PFDN2: variants seen among roughly 807,000 people sequenced by gnomAD.
PFDN2 encodes the protein prefoldin 2.
In PFDN2, 7 loss-of-function variants were observed where a neutral mutation model predicts 18.3. That is an observed-to-expected ratio of 0.38 (90% CI 0.22 to 0.72). PFDN2 has a LOEUF of 0.72. PFDN2 is among the 30% of genes least tolerant of loss of function. The pLI is 0.47. For synonymous variants in PFDN2, 76 were observed against 75.0 expected, an observed-to-expected ratio of 1.01 and a Z score of -0.07; for missense variants, 181 against 199.1, an observed-to-expected ratio of 0.91 and a Z score of 0.55.
At chr1:161,113,055 C>T (rs949547909) in intron 1 of PFDN2, among the ~76,000 whole-genome samples, 3 of 152,096 alleles carry the variant, frequency 2.0e-5, no homozygotes, top group African/African-American at 4.8e-5. Context: ...CTGGTTTGAA[C>T]TTTTTCCTTT....
At chr1:161,108,136 A>G (rs1253744707) in intron 1 of PFDN2, among the ~76,000 whole-genome samples, 1 of 148,924 alleles carries the variant, frequency 6.7e-6, no homozygotes, top group Non-Finnish European at 1.5e-5. Flanking sequence ...CAAAAACAAA[A>G]ACAAAAATAA....
At chr1:161,107,939 C>T (rs1230772639) in intron 1 of PFDN2, among the ~76,000 whole-genome samples, 5 of 150,802 alleles carry the variant, frequency 3.3e-5, no homozygotes, top group Non-Finnish European at 1.5e-5. Context: ...CATGGTGAAA[C>T]CCCATCTCTA....
At position 161,100,612 on chromosome 1, in the gene PFDN2, T is replaced by G; in HGVS notation, c.*71A>C. ...AAAAATATTACAATAGCAGAGAAAATAATAATAATAACAATAAAGAGAAAT... is the reference window on the plus strand; with the variant it reads ...AAAAATATTACAATAGCAGAGAAAAGAATAATAATAACAATAAAGAGAAAT... On this transcript the variant is annotated 3_prime_UTR_variant, in exon 4 of 4. Transcript: ENST00000368010. 1 of 1,039,534 alleles carries G rather than the reference T, an allele frequency of 9.6e-7. No homozygotes were observed. The highest frequency in any genetic ancestry group is 1.4e-6 in the Non-Finnish European group (1 of 733,248). 64.4% of individuals were successfully genotyped at this position (1,039,534 alleles called of 1,614,324 possible).
intron 1 of PFDN2, among the ~76,000 whole-genome samples, chr1:161,109,181 G>A (rs1483431099): frequency 6.6e-6 from 1 of 152,114 alleles, no homozygotes; most frequent in African/African-American, 2.4e-5. Context: ...TCCCTTAACA[G>A]CTGTCTTCAG....
At chr1:161,117,825 C>G in intron 1 of PFDN2, 127 bp downstream of exon 1, 1 of 866,310 alleles carries the variant, frequency 1.2e-6, no homozygotes, top group Admixed American at 2.9e-5. Context: ...TTCCGGGGAC[C>G]CTTCCCTCTC....
chr1:161,102,015 T>C (rs1430815014), intron 3 of PFDN2, 33 bp downstream of exon 3: 2 of 1,612,926 alleles, frequency 1.2e-6, no homozygotes, highest in Non-Finnish European at 1.7e-6. Context: ...TTACAGCCAC[T>C]GTACCCGATC....
intron 1 of PFDN2, among the ~76,000 whole-genome samples, chr1:161,105,465 CT>C (rs768318514): frequency 6.6e-6 from 1 of 150,750 alleles, no homozygotes; most frequent in African/African-American, 2.4e-5. Flanking sequence ...CTTTTCTTTT[CT>C]TTTTTTTTCT....
chr1:161,102,635 G>A (rs150536586), intron 1 of PFDN2, among the ~76,000 whole-genome samples: 1 of 152,228 alleles, frequency 6.6e-6, no homozygotes, highest in African/African-American at 2.4e-5. Context: ...GCTTCTCCTG[G>A]CTCATAGTTT....
chr1:161,108,228 A>G lies in PFDN2; in HGVS notation c.76-5853T>C, dbSNP rs187084023. On this transcript the variant is annotated intron_variant, in intron 1 of 3. Coordinates refer to ENST00000368010, the MANE Select transcript of PFDN2 (RefSeq NM_012394.4). ...ACCACTTTGGGAGGCCAAGGCCAGC[A>G]GATCATTTGAGGTCAGGAGTTCAAG... Among the ~76,000 whole-genome samples, 374 of 150,524 alleles carry G rather than the reference A, an allele frequency of 2.5e-3. 2 individuals carry two copies. Among genetic ancestry groups the G allele is most frequent in the Middle Eastern group, 0.017 (5 of 288 alleles).
chr1:161,101,282 C>T (rs1238780259), intron 3 of PFDN2, among the ~76,000 whole-genome samples: 3 of 151,978 alleles, frequency 2.0e-5, no homozygotes, highest in African/African-American at 7.3e-5. Flanking sequence ...TCACTGCAAG[C>T]TCCGCCTCGC....
chr1:161,102,393 G>A lies in PFDN2; in HGVS notation c.76-18C>T, dbSNP rs536708352. On this transcript the variant is annotated intron_variant, in intron 1 of 3. Transcript: ENST00000368010. ...GCAATCACCTAACAAGGTGAGAGAA[G>A]AGATGAAAGAGGGGATAGTGGAAAT... is the stretch of plus-strand genomic sequence containing the variant. The A allele has an allele frequency of 3.1e-6, 5 of 1,596,680 alleles. No homozygotes were observed. Among genetic ancestry groups the A allele is most frequent in the Non-Finnish European group, 4.3e-6 (5 of 1,164,178 alleles).
intron 1 of PFDN2, among the ~76,000 whole-genome samples, chr1:161,112,149 A>G (rs951324474): frequency 6.6e-6 from 1 of 152,340 alleles, no homozygotes; most frequent in Non-Finnish European, 1.5e-5. Context: ...AGTATTAATT[A>G]CTTCTTTTCT....
chr1:161,100,928 G>T, intron 3 of PFDN2, 69 bp from the exon 4 acceptor site: 1 of 1,182,694 alleles, frequency 8.5e-7, no homozygotes, highest in East Asian at 2.3e-5. Flanking sequence ...AATGGACTAT[G>T]GTTGGAGGAA....
At chr1:161,102,479 C>A in intron 1 of PFDN2, 104 bp from the exon 2 acceptor site, 1 of 796,404 alleles carries the variant, frequency 1.3e-6, no homozygotes, top group Non-Finnish European at 2.1e-6. Context: ...TAGTGGGCAC[C>A]TACCTTGGAA....
At chr1:161,116,657 T>G (rs1654937003) in intron 1 of PFDN2, among the ~76,000 whole-genome samples, 1 of 151,990 alleles carries the variant, frequency 6.6e-6, no homozygotes, top group Non-Finnish European at 1.5e-5. Context: ...TTTACCCCAC[T>G]AGACTATGCT....
chr1:161,115,084 A>G (rs1265075740), intron 1 of PFDN2, among the ~76,000 whole-genome samples: 1 of 152,170 alleles, frequency 6.6e-6, no homozygotes, highest in African/African-American at 2.4e-5. Flanking sequence ...GTTTTTTGAG[A>G]CAAGAGTCTC....
intron 1 of PFDN2, among the ~76,000 whole-genome samples, chr1:161,109,819 C>A (rs1205728148): frequency 6.6e-6 from 1 of 152,104 alleles, no homozygotes; most frequent in Non-Finnish European, 1.5e-5. Flanking sequence ...CATGGTGAAA[C>A]CCTGCAGATC....
chr1:161,105,721 A>C (rs1051501538), intron 1 of PFDN2, among the ~76,000 whole-genome samples: 6 of 152,130 alleles, frequency 3.9e-5, no homozygotes, highest in African/African-American at 1.4e-4. Context: ...AGACTCCCAA[A>C]GTGCTGGGAT....
At chr1:161,108,456 T>TC in intron 1 of PFDN2, among the ~76,000 whole-genome samples, 2 of 63,954 alleles carry the variant, frequency 3.1e-5, no homozygotes, top group East Asian at 1.8e-3. Flanking sequence ...AAACTCCGTC[T>TC]CAAAAAAAAA....
Sources: gnomAD v4.1 joint callset for allele counts (sites outside exome capture counted in the v4.1 genomes callset) on GRCh38, gnomAD v4.1.1 for gene constraint, MANE v1.5 for transcripts, NCBI Gene and HGNC (gene_info 2026-07-23, HGNC 2026-07-21) for gene names.